Variants in ANO6 observed in about 807,000 individuals in gnomAD.
The protein encoded by ANO6 is anoctamin-6.
A neutral mutation model predicts 117.5 loss-of-function variants in ANO6; 106 were observed. The observed-to-expected ratio is 0.90, with a 90% confidence interval of 0.77 to 1.06. The LOEUF is 1.06. ANO6 is among the 50% of genes least tolerant of loss of function. The pLI is 0.00. For synonymous variants in ANO6, 367 were observed against 385.1 expected (o/e 0.95, Z 0.55); for missense variants, 955 against 1,121.1 (o/e 0.85, Z 2.12).
chr12:45,397,957 G>C (rs1179922734), intron 12 of ANO6, among the ~76,000 whole-genome samples: 1 of 134,564 alleles, frequency 7.4e-6, no homozygotes. Context: ...CGTTGTGCAC[G>C]TGTACCCTAG....
At chr12:45,361,497 T>A (rs143444764) in intron 8 of ANO6, among the ~76,000 whole-genome samples, 1 of 152,288 alleles carries the variant, frequency 6.6e-6, no homozygotes, top group Non-Finnish European at 1.5e-5. Context: ...AGAAGTAGTT[T>A]TACTTCTTCC....
At position 45,229,547 on chromosome 12, in the gene ANO6, G is replaced by A. The variant is rs544431387; in HGVS notation, c.70+13156G>A. On this transcript the variant is annotated intron_variant, in intron 1 of 19. Transcript: ENST00000320560. ...TGGGACTACAGGCGCCTGCCATCAC[G>A]CCCAGCTAATTTTTATGCTTTTAAT... Among the ~76,000 whole-genome samples, 66 of 151,492 alleles carry A rather than the reference G, an allele frequency of 4.4e-4. 1 individual carries two copies. Among genetic ancestry groups the A allele is most frequent in the African/African-American group, 1.6e-3 (66 of 41,410 alleles).
rs550610219 is a variant in ANO6 at position 45,438,706 on chromosome 12, G to T, written c.2527-969G>T. Among the ~76,000 whole-genome samples the T allele has an allele frequency of 2.4e-4, 36 of 152,190 alleles. No homozygotes were observed. The South Asian group carries it at 7.3e-3, about 31-fold the overall frequency. ...TAATTTTTAACACTTCTGGTCCCAA[G>T]GATATCAAATAAGGGATATTCAACT... On this transcript the variant is annotated intron_variant, in intron 19 of 19. Transcript: ENST00000425752.
At chr12:45,320,212 G>A (rs1430588339) in intron 2 of ANO6, among the ~76,000 whole-genome samples, 1 of 151,938 alleles carries the variant, frequency 6.6e-6, no homozygotes, top group East Asian at 1.9e-4. Context: ...TGTGATGTTA[G>A]GGTATCAATT....
At chr12:45,320,611 G>C (rs1940228319) in intron 2 of ANO6, among the ~76,000 whole-genome samples, 1 of 152,178 alleles carries the variant, frequency 6.6e-6, no homozygotes. Context: ...TTGGGGTGGA[G>C]AGTTCTGTAG....
intron 9 of ANO6, 58 bp downstream of exon 9, chr12:45,367,851 AT>A: frequency 2.4e-6 from 3 of 1,238,544 alleles, no homozygotes; most frequent in Non-Finnish European, 3.6e-6. Context: ...TCTAATGCTA[AT>A]TTAGATAAAA....
intron 12 of ANO6, among the ~76,000 whole-genome samples, chr12:45,394,526 A>C (rs1942554428): frequency 6.6e-6 from 1 of 152,188 alleles, no homozygotes; most frequent in African/African-American, 2.4e-5. Context: ...TCCACCCAAA[A>C]ACAACAGAAT....
At chr12:45,324,165 C>A (rs1940383601) in intron 2 of ANO6, among the ~76,000 whole-genome samples, 1 of 152,046 alleles carries the variant, frequency 6.6e-6, no homozygotes, top group South Asian at 2.1e-4. Context: ...AACTCCTGAC[C>A]TCAGGTGATC....
chr12:45,282,339 C>T (rs1157775258), intron 1 of ANO6, among the ~76,000 whole-genome samples: 1 of 152,136 alleles, frequency 6.6e-6, no homozygotes, highest in Non-Finnish European at 1.5e-5. Context: ...TAACAGTTGC[C>T]AGCAGACAAA....
chr12:45,341,550 A>G (rs1940979231), intron 3 of ANO6, among the ~76,000 whole-genome samples: 1 of 152,188 alleles, frequency 6.6e-6, no homozygotes, highest in Admixed American at 6.5e-5. Flanking sequence ...ACATGAGGCA[A>G]AAGAGAAGAG....
At chr12:45,366,221 T>C (rs1023561633) in intron 8 of ANO6, among the ~76,000 whole-genome samples, 10 of 152,048 alleles carry the variant, frequency 6.6e-5, no homozygotes, top group Non-Finnish European at 1.5e-4. Context: ...TTGTGGCTTA[T>C]ATTTTTCTCC....
At chr12:45,327,194 G>GCAGTATC (rs1326934046) in intron 2 of ANO6, among the ~76,000 whole-genome samples, 1 of 152,094 alleles carries the variant, frequency 6.6e-6, no homozygotes, top group African/African-American at 2.4e-5. Flanking sequence ...TTTCATTTGG[G>GCAGTATC]CAGTATCCAT....
At chr12:45,378,436 T>G (rs1942086183) in intron 10 of ANO6, among the ~76,000 whole-genome samples, 1 of 152,156 alleles carries the variant, frequency 6.6e-6, no homozygotes, top group African/African-American at 2.4e-5. Context: ...ATAGATGATC[T>G]TGCAACTAGA....
chr12:45,333,626 A>G (rs1023589347), intron 3 of ANO6, among the ~76,000 whole-genome samples: 1 of 152,028 alleles, frequency 6.6e-6, no homozygotes, highest in African/African-American at 2.4e-5. Flanking sequence ...GCAATCCTTG[A>G]ACTCATGGAT....
intron 1 of ANO6, among the ~76,000 whole-genome samples, chr12:45,262,014 G>T (rs1000717929): frequency 1.3e-5 from 2 of 152,114 alleles, no homozygotes; most frequent in African/African-American, 4.8e-5. Context: ...TTTGATCCAC[G>T]TTTAACCTGC....
intron 3 of ANO6, among the ~76,000 whole-genome samples, chr12:45,345,755 A>C (rs1311157756): frequency 1.3e-5 from 2 of 151,844 alleles, no homozygotes; most frequent in Non-Finnish European, 2.9e-5. Context: ...ATGAATAATA[A>C]ATCAGATTTT....
intron 1 of ANO6, among the ~76,000 whole-genome samples, chr12:45,267,556 G>T (rs1301859327): frequency 6.6e-6 from 1 of 152,106 alleles, no homozygotes; most frequent in African/African-American, 2.4e-5. Context: ...TTGGGAGGCC[G>T]AGGCGGGTGG....
At chr12:45,245,234 A>T (rs185015464) in intron 1 of ANO6, among the ~76,000 whole-genome samples, 2 of 152,318 alleles carry the variant, frequency 1.3e-5, no homozygotes, top group Non-Finnish European at 2.9e-5. Flanking sequence ...AGCCACATAA[A>T]TGAAAATGGG....
intron 1 of ANO6, among the ~76,000 whole-genome samples, chr12:45,254,374 G>A (rs1348559729): frequency 6.6e-6 from 1 of 152,170 alleles, no homozygotes; most frequent in Non-Finnish European, 1.5e-5. Flanking sequence ...GGATGTTGTG[G>A]ATCATCATTG....
Sources: gnomAD v4.1 joint callset for allele counts (sites outside exome capture counted in the v4.1 genomes callset) on GRCh38, gnomAD v4.1.1 for gene constraint, MANE v1.5 for transcripts, NCBI Gene and HGNC (gene_info 2026-07-23, HGNC 2026-07-21) for gene names.